SYNCRIP: variants seen among roughly 807,000 people sequenced by gnomAD.
SYNCRIP encodes the protein heterogeneous nuclear ribonucleoprotein Q.
SYNCRIP carries 9 observed loss-of-function variants against 68.9 expected under a neutral mutation model. That is an observed-to-expected ratio of 0.13 (90% confidence interval 0.08 to 0.23). The LOEUF (loss-of-function observed/expected upper bound fraction) is 0.23, where lower values mean the gene tolerates loss of function less well. Ranked by LOEUF, SYNCRIP falls within the 10% of genes least tolerant of loss-of-function variation. SYNCRIP has a pLI of 1.00. For missense variants in SYNCRIP, 414 were observed against 770.6 expected, an observed-to-expected ratio of 0.54 and a Z score of 5.48; for synonymous variants, 258 against 254.0, an observed-to-expected ratio of 1.02 and a Z score of -0.15.
At position 85,614,920 on chromosome 6, in the gene SYNCRIP, AC is replaced by A. The variant is rs1466021183; in HGVS notation, c.1707del (p.Tyr570ThrfsTer74). 1 of 1,614,048 alleles carries A rather than the reference AC, an allele frequency of 6.2e-7. No homozygotes were observed. On this transcript the variant is annotated frameshift_variant, in exon 11 of 11. Coordinates refer to ENST00000369622, the MANE Select transcript of SYNCRIP (RefSeq NM_006372.5). LOFTEE classifies it high-confidence loss of function. ...GNVGGKRKADGYNQPDSKRRQ... is the reference protein window; with the variant it reads ...GNVGGKRKADXYNQPDSKRRQ... ...CGCCGCTTGGAATCTGGCTGGTTGT[AC>A]CCATCAGCTTTGCGCTTTCCTCCTA...
chr6:85,641,154 A>T, intron 2 of SYNCRIP, 138 bp downstream of exon 2: 1 of 677,000 alleles, frequency 1.5e-6, no homozygotes, highest in Non-Finnish European at 2.5e-6. Context: ...CTTCAAACTT[A>T]AATTAACCAA....
Position 85,627,729 on chromosome 6 carries a change from T to C in SYNCRIP, c.667-3617A>G, listed in dbSNP as rs570240756. Among the ~76,000 whole-genome samples, 190 of 152,302 alleles carry C rather than the reference T, an allele frequency of 1.2e-3. 1 individual carries two copies. Among genetic ancestry groups the C allele is most frequent in the African/African-American group, 4.2e-3 (176 of 41,570 alleles). On this transcript the variant is annotated intron_variant, in intron 6 of 10. Coordinates refer to ENST00000369622, the MANE Select transcript of SYNCRIP (RefSeq NM_006372.5). ...TCTTATCTTTCCTACTCTAGAAAGG[T>C]TGGCCCTGAATCTTGTTAGTTGTAA... is the stretch of plus-strand genomic sequence containing the variant.
chr6:85,617,528 A>G (rs1805918682), intron 10 of SYNCRIP, among the ~76,000 whole-genome samples: 1 of 152,236 alleles, frequency 6.6e-6, no homozygotes, highest in Non-Finnish European at 1.5e-5. Flanking sequence ...CTTCATTTAC[A>G]CTATCATCAA....
intron 7 of SYNCRIP, among the ~76,000 whole-genome samples, chr6:85,623,695 A>C (rs1238020139): frequency 8.5e-5 from 13 of 152,188 alleles, no homozygotes; most frequent in Non-Finnish European, 1.8e-4. Context: ...ACACACAAAG[A>C]AATACGATCT....
chr6:85,613,115 G>A (rs1320022565), downstream of SYNCRIP, among the ~76,000 whole-genome samples: 1 of 151,420 alleles, frequency 6.6e-6, no homozygotes, highest in Non-Finnish European at 1.5e-5. Context: ...GTTTTTGGTT[G>A]CTTTTTTGCC....
At position 85,619,507 on chromosome 6, in the gene SYNCRIP, C is replaced by G. The variant is rs1806149955; in HGVS notation, c.1009-90G>C. The G allele has an allele frequency of 5.1e-6, 6 of 1,174,532 alleles. No individual in the cohort carries two copies. In the South Asian group the frequency reaches 9.4e-5, roughly 18 times the overall value. The allele number at this position is 1,174,532 out of a possible 1,614,324, so 72.8% of individuals were successfully genotyped here. ...CCCACCCTACAAAGTTAACTCAAAT[C>G]ACAATCCATTAGAAGAATGTCAGAA... On this transcript the variant is annotated intron_variant, in intron 8 of 10. Transcript: ENST00000369622.
intron 8 of SYNCRIP, 140 bp downstream of exon 8, chr6:85,622,342 C>T: frequency 1.2e-6 from 1 of 837,836 alleles, no homozygotes; most frequent in Non-Finnish European, 1.8e-6. Context: ...GCACTCCAGC[C>T]TGGGAAACAT....
At chr6:85,638,776 CG>C (rs1554189064) in intron 4 of SYNCRIP, among the ~76,000 whole-genome samples, 1 of 152,188 alleles carries the variant, frequency 6.6e-6, no homozygotes, top group Non-Finnish European at 1.5e-5. Context: ...ATGCTATAAA[CG>C]GATTTTTTAA....
intron 8 of SYNCRIP, among the ~76,000 whole-genome samples, chr6:85,621,301 C>G (rs1806360085): frequency 6.6e-6 from 1 of 152,100 alleles, no homozygotes. Flanking sequence ...CTGTAAGTAA[C>G]AAAGAGGGAA....
In SYNCRIP at chr6:85,614,956, C is replaced by A. The variant is rs148680614; in HGVS notation, c.1672G>T (p.Gly558Cys). ...RGVRGARGGR[G>C]GNVGGKRKAD... ...TTGCGCTTTCCTCCTACATTTCCAC[C>A]GCGGCCACCCCTCGCACCACGTACC... is the stretch of plus-strand genomic sequence containing the variant. The change falls in exon 11 of 11, where the codon GGT becomes TGT. Residue 558 changes from glycine to cysteine, a missense_variant. By Grantham distance (159) the Gly-to-Cys change is radical. This residue lies in a region of SYNCRIP where 130 missense variants were observed against 149.0 expected (regional missense o/e 0.87). Coordinates refer to ENST00000369622, the MANE Select transcript of SYNCRIP (RefSeq NM_006372.5). 66 of 1,613,754 alleles carry A rather than the reference C, an allele frequency of 4.1e-5. No individual in the cohort carries two copies. The highest frequency in any genetic ancestry group is 5.4e-5 in the Non-Finnish European group (64 of 1,179,908).
At chr6:85,613,033 A>T, downstream of SYNCRIP, 2 of 1,313,442 alleles carry the variant, frequency 1.5e-6, no homozygotes, top group South Asian at 3.2e-5. Context: ...AATTCTAAAT[A>T]TACTGTCTAG....
At chr6:85,633,432 A>C (rs1808065016) in intron 6 of SYNCRIP, among the ~76,000 whole-genome samples, 2 of 151,954 alleles carry the variant, frequency 1.3e-5, no homozygotes, top group South Asian at 4.2e-4. Context: ...CTCTACTAAA[A>C]ATACAAAAAT....
chr6:85,613,700 C>T (rs1463761870), downstream of SYNCRIP, among the ~76,000 whole-genome samples: 2 of 152,172 alleles, frequency 1.3e-5, no homozygotes, highest in Non-Finnish European at 2.9e-5. Flanking sequence ...TAGGTAAGTA[C>T]AGTGATTATT....
At chr6:85,628,967 T>C (rs564418729) in intron 6 of SYNCRIP, among the ~76,000 whole-genome samples, 3 of 152,222 alleles carry the variant, frequency 2.0e-5, no homozygotes, top group Admixed American at 2.0e-4. Context: ...TTCCAAAATC[T>C]CCGATCTTTC....
At chr6:85,636,183 G>A (rs1389487993) in intron 6 of SYNCRIP, among the ~76,000 whole-genome samples, 3 of 152,256 alleles carry the variant, frequency 2.0e-5, no homozygotes, top group East Asian at 1.9e-4. Context: ...GGTGGCTCAC[G>A]TCTAAAATCC....
intron 6 of SYNCRIP, among the ~76,000 whole-genome samples, chr6:85,632,813 C>G (rs962289179): frequency 3.3e-5 from 5 of 152,134 alleles, no homozygotes; most frequent in Non-Finnish European, 5.9e-5. Flanking sequence ...GTGGTGCCCT[C>G]ATAGTCCTAG....
intron 6 of SYNCRIP, among the ~76,000 whole-genome samples, chr6:85,631,826 G>GGATGTTTA (rs1807831882): frequency 6.6e-6 from 1 of 152,172 alleles, no homozygotes; most frequent in Non-Finnish European, 1.5e-5. Flanking sequence ...TATGGCCTCA[G>GGATGTTTA]GCAAGTCTAT....
downstream of SYNCRIP, chr6:85,610,607 A>C (rs939616552): frequency 6.6e-6 from 1 of 152,056 alleles, no homozygotes; most frequent in Non-Finnish European, 1.5e-5. Flanking sequence ...CTGTCCTAAA[A>C]TCCCAACAAG....
intron 6 of SYNCRIP, among the ~76,000 whole-genome samples, chr6:85,624,550 T>C (rs1450057401): frequency 6.6e-6 from 1 of 152,234 alleles, no homozygotes; most frequent in Non-Finnish European, 1.5e-5. Context: ...ATTTCAGGCT[T>C]CAAATATTTA....
Sources: gnomAD v4.1 joint callset for allele counts (sites outside exome capture counted in the v4.1 genomes callset) on GRCh38, gnomAD v4.1.1 for gene constraint, gnomAD v4.1.1 regional missense constraint, MANE v1.5 for transcripts, NCBI Gene and HGNC (gene_info 2026-07-23, HGNC 2026-07-21) for gene names.